Variants in GNAQ observed in about 807,000 individuals in gnomAD.
GNAQ encodes guanine nucleotide-binding protein G(q) subunit alpha.
A neutral mutation model predicts 43.9 loss-of-function variants in GNAQ; 8 were observed. The observed-to-expected ratio is 0.18, with a 90% CI of 0.11 to 0.33. The LOEUF is 0.33. GNAQ is among the 10% of genes least tolerant of loss of function. GNAQ has a pLI of 1.00. For missense variants in GNAQ, 158 were observed against 450.8 expected (o/e 0.35, Z 5.88); for synonymous variants, 155 against 170.7 (o/e 0.91, Z 0.71).
chr9:77,922,901 C>T (rs570165453), intron 1 of GNAQ, among the ~76,000 whole-genome samples: 1 of 152,248 alleles, frequency 6.6e-6, no homozygotes, highest in East Asian at 1.9e-4. Flanking sequence ...GTGATCATAG[C>T]TCACTACAGC....
chr9:78,022,098 C>T (rs1307806702), intron 1 of GNAQ, among the ~76,000 whole-genome samples: 1 of 152,172 alleles, frequency 6.6e-6, no homozygotes, highest in African/African-American at 2.4e-5. Context: ...CCTCAAAGTG[C>T]TCCCCACTGC....
At chr9:77,874,688 G>A (rs1003555574) in intron 2 of GNAQ, among the ~76,000 whole-genome samples, 1 of 151,920 alleles carries the variant, frequency 6.6e-6, no homozygotes, top group African/African-American at 2.4e-5. Flanking sequence ...GTCATAGCGC[G>A]ATCATGGCTC....
intron 2 of GNAQ, among the ~76,000 whole-genome samples, chr9:77,877,396 T>C (rs1272481961): frequency 6.6e-6 from 1 of 152,160 alleles, no homozygotes; most frequent in Non-Finnish European, 1.5e-5. Context: ...ATGACGAGAA[T>C]AGGTAAAAAC....
chr9:77,941,448 A>T (rs1587422309), intron 1 of GNAQ, among the ~76,000 whole-genome samples: 1 of 152,176 alleles, frequency 6.6e-6, no homozygotes, highest in Non-Finnish European at 1.5e-5. Context: ...ACGGGGTTTC[A>T]CCATGTTAGC....
intron 5 of GNAQ, among the ~76,000 whole-genome samples, chr9:77,765,922 CACAT>C (rs1460313467): frequency 3.9e-5 from 6 of 152,182 alleles, no homozygotes; most frequent in Non-Finnish European, 8.8e-5. Flanking sequence ...GAAATCTTGA[CACAT>C]GCATGCTACA....
intron 5 of GNAQ, among the ~76,000 whole-genome samples, chr9:77,746,536 G>T (rs1825732767): frequency 6.6e-6 from 1 of 152,028 alleles, no homozygotes; most frequent in African/African-American, 2.4e-5. Context: ...AAAAGAATCA[G>T]CTAGAGATAT....
intron 1 of GNAQ, among the ~76,000 whole-genome samples, chr9:77,987,669 A>G (rs866187456): frequency 3.9e-5 from 6 of 152,308 alleles, no homozygotes; most frequent in Middle Eastern, 3.4e-3. Context: ...AGGATCTAGC[A>G]ATACACAATA....
At chr9:77,749,799 C>T (rs1157572715) in intron 5 of GNAQ, among the ~76,000 whole-genome samples, 1 of 152,104 alleles carries the variant, frequency 6.6e-6, no homozygotes, top group Non-Finnish European at 1.5e-5. Flanking sequence ...ATGCAATGTA[C>T]TCTATTCTCA....
intron 6 of GNAQ, 93 bp from the exon 7 acceptor site, chr9:77,721,606 T>G (rs954500251): frequency 1.3e-6 from 1 of 778,982 alleles, no homozygotes; most frequent in Admixed American, 2.1e-5. Flanking sequence ...TCATTGCTCA[T>G]GAAGCCTACA....
At chr9:77,914,260 C>T (rs1301875100) in intron 2 of GNAQ, among the ~76,000 whole-genome samples, 1 of 152,188 alleles carries the variant, frequency 6.6e-6, no homozygotes, top group African/African-American at 2.4e-5. Context: ...GGTGATTCAA[C>T]TCCCAAGAGT....
chr9:77,744,111 C>A (rs927029920), intron 5 of GNAQ, among the ~76,000 whole-genome samples: 1 of 152,178 alleles, frequency 6.6e-6, no homozygotes, highest in Non-Finnish European at 1.5e-5. Flanking sequence ...TACAGACTGC[C>A]ATTCTCTTAG....
At chr9:77,939,222 A>T (rs1440551383) in intron 1 of GNAQ, among the ~76,000 whole-genome samples, 2 of 152,244 alleles carry the variant, frequency 1.3e-5, no homozygotes, top group Non-Finnish European at 2.9e-5. Context: ...ACACATTTAC[A>T]GTCTTTTATA....
chr9:77,733,487 T>C (rs538332150), intron 5 of GNAQ, among the ~76,000 whole-genome samples: 115 of 152,302 alleles, frequency 7.6e-4, no homozygotes, highest in Admixed American at 1.5e-3. Context: ...CACTGCCACA[T>C]GACTGCATGT....
intron 4 of GNAQ, among the ~76,000 whole-genome samples, chr9:77,794,835 G>C (rs1432429845): frequency 6.6e-6 from 1 of 152,044 alleles, no homozygotes; most frequent in East Asian, 1.9e-4. Context: ...TACGAAAACT[G>C]TAACACTGTA....
chr9:77,974,000 A>C (rs1210165367), intron 1 of GNAQ, among the ~76,000 whole-genome samples: 2 of 152,204 alleles, frequency 1.3e-5, no homozygotes, highest in Non-Finnish European at 2.9e-5. Context: ...CTAGAAGTCA[A>C]AGCAATAATA....
intron 2 of GNAQ, among the ~76,000 whole-genome samples, chr9:77,901,623 G>A (rs867286440): frequency 2.6e-5 from 4 of 152,086 alleles, no homozygotes; most frequent in Non-Finnish European, 5.9e-5. Flanking sequence ...TACCTTGGGG[G>A]CAGAGAACCT....
In GNAQ at chr9:77,790,312, G is replaced by A. The variant is rs187618565; in HGVS notation, c.735+4151C>T. ...TTAGTCAGGTTTTCCCCGCAAAGCT[G>A]AATGTTATCTGAAGAAAATTCCCAA... On this transcript the variant is annotated intron_variant, in intron 5 of 6. Transcript: ENST00000286548. Among the ~76,000 whole-genome samples the A allele has an allele frequency of 4.0e-3, 603 of 152,256 alleles. 8 individuals are homozygous for A. Among genetic ancestry groups the A allele is most frequent in the Non-Finnish European group, 4.5e-3 (307 of 68,020 alleles).
At chr9:77,971,983 T>C (rs1681726612) in intron 1 of GNAQ, among the ~76,000 whole-genome samples, 1 of 152,170 alleles carries the variant, frequency 6.6e-6, no homozygotes, top group Admixed American at 6.5e-5. Context: ...GGAATGCTTG[T>C]GATTTTTGCA....
intron 5 of GNAQ, among the ~76,000 whole-genome samples, chr9:77,730,317 T>C (rs1350052215): frequency 6.6e-6 from 1 of 152,220 alleles, no homozygotes; most frequent in East Asian, 1.9e-4. Flanking sequence ...GCTCAGCTTT[T>C]GCCTGCCTGC....
Sources: allele counts gnomAD v4.1 joint callset (sites outside exome capture counted in the v4.1 genomes callset), GRCh38; gene constraint gnomAD v4.1.1; transcripts MANE v1.5; gene names NCBI Gene and HGNC (gene_info 2026-07-23, HGNC 2026-07-21).